The following SEC23B variants were observed in gnomAD, a reference collection of about 807,000 sequenced individuals.
The protein encoded by SEC23B is SEC23 homolog B, COPII component.
A neutral mutation model predicts 104.3 loss-of-function variants in SEC23B; 77 were observed. That is an observed-to-expected ratio of 0.74 (90% CI 0.61 to 0.89). SEC23B has a LOEUF of 0.89. SEC23B is among the 40% of genes least tolerant of loss of function. The pLI is 0.00. For synonymous variants in SEC23B, 338 were observed against 332.5 expected, an observed-to-expected ratio of 1.02 and a Z score of -0.18; for missense variants, 885 against 949.4, an observed-to-expected ratio of 0.93 and a Z score of 0.89.
At chr20:18,552,149 T>C (rs1040807263) in intron 17 of SEC23B, among the ~76,000 whole-genome samples, 1 of 151,594 alleles carries the variant, frequency 6.6e-6, no homozygotes, top group Admixed American at 6.6e-5. Context: ...CCTTCTTAAA[T>C]TGGTTATTGA....
intron 12 of SEC23B, among the ~76,000 whole-genome samples, chr20:18,540,973 T>C (rs1366230843): frequency 6.6e-6 from 1 of 152,260 alleles, no homozygotes; most frequent in Admixed American, 6.5e-5. Context: ...CTAGATAGCA[T>C]CTTCTTCCAA....
chr20:18,536,231 A>G (rs1402590515), intron 12 of SEC23B, among the ~76,000 whole-genome samples: 1 of 152,266 alleles, frequency 6.6e-6, no homozygotes. Flanking sequence ...AGCAAGTCAC[A>G]TGAATATTTT....
intron 12 of SEC23B, among the ~76,000 whole-genome samples, chr20:18,537,617 A>G (rs916310055): frequency 3.9e-5 from 6 of 152,212 alleles, no homozygotes; most frequent in Non-Finnish European, 7.3e-5. Context: ...GAATAACATT[A>G]GGAGATATAA....
intron 4 of SEC23B, among the ~76,000 whole-genome samples, chr20:18,521,798 A>G (rs773430472): frequency 1.3e-5 from 2 of 152,122 alleles, no homozygotes; most frequent in African/African-American, 2.4e-5. Context: ...GAAAGAAGAA[A>G]GATTTGGGAC....
intron 9 of SEC23B, 144 bp from the exon 10 acceptor site, chr20:18,530,536 G>A (rs977729466): frequency 3.3e-5 from 32 of 977,564 alleles, no homozygotes; most frequent in Non-Finnish European, 4.6e-5. Context: ...TGCCTGGCCT[G>A]TTTTTTTATA....
In SEC23B at chr20:18,548,740, C is replaced by G; in HGVS notation, c.1875C>G (p.Leu625=). ...TQSLIMIQPI[L]YSYSFHGPPE... is the part of the protein sequence containing the mutation. ...CCCTCATCATGATCCAGCCCATTCTCTACTCTTACTCCTTTCATGGGCCAC... is the reference window on the plus strand; with the variant it reads ...CCCTCATCATGATCCAGCCCATTCTGTACTCTTACTCCTTTCATGGGCCAC... The change falls in exon 16 of 20, where the codon CTC becomes CTG. Residue 625 remains leucine, a synonymous_variant. Coordinates refer to ENST00000650089, the MANE Select transcript of SEC23B (RefSeq NM_006363.6). 6.2e-7 allele frequency: 1 copy of G among 1,614,208 alleles called. No individual in the cohort carries two copies.
intron 1 of SEC23B, chr20:18,508,399 A>AT: frequency 6.6e-6 from 1 of 152,282 alleles, no homozygotes. Flanking sequence ...GGTGGTTCAG[A>AT]TTTTTTGGCA....
intron 3 of SEC23B, among the ~76,000 whole-genome samples, chr20:18,514,751 T>C (rs1415610328): frequency 1.3e-5 from 2 of 152,222 alleles, no homozygotes; most frequent in East Asian, 3.8e-4. Flanking sequence ...TTCTCAACTG[T>C]GCTTAAGTCT....
At chr20:18,529,679 T>C (rs2148902902) in intron 9 of SEC23B, among the ~76,000 whole-genome samples, 1 of 152,146 alleles carries the variant, frequency 6.6e-6, no homozygotes, top group East Asian at 1.9e-4. Flanking sequence ...AGGAACACAC[T>C]CCACATATAA....
chr20:18,542,950 T>G, intron 13 of SEC23B, 69 bp from the exon 14 acceptor site: 2 of 1,600,700 alleles, frequency 1.2e-6, no homozygotes, highest in South Asian at 1.1e-5. Context: ...GTGTTTCTTT[T>G]TCTGAATGGA....
intron 1 of SEC23B, among the ~76,000 whole-genome samples, chr20:18,508,742 T>TG (rs1444930956): frequency 9.3e-6 from 1 of 107,428 alleles, no homozygotes; most frequent in Non-Finnish European, 2.0e-5. Flanking sequence ...TTTTTTGAGA[T>TG]GGAGTCTCGC....
chr20:18,531,716 C>T (rs1358903429), intron 10 of SEC23B, among the ~76,000 whole-genome samples: 1 of 148,302 alleles, frequency 6.7e-6, no homozygotes, highest in Non-Finnish European at 1.5e-5. Context: ...GGACTCATGG[C>T]CCTGATACAG....
chr20:18,517,280 AGTTAC>A (rs1170443084), intron 4 of SEC23B, among the ~76,000 whole-genome samples: 1 of 152,142 alleles, frequency 6.6e-6, no homozygotes, highest in Non-Finnish European at 1.5e-5. Context: ...TAGGCAGTGG[AGTTAC>A]GAGCAATGTT....
At chr20:18,552,462 C>T (rs145591818) in intron 17 of SEC23B, among the ~76,000 whole-genome samples, 1 of 151,970 alleles carries the variant, frequency 6.6e-6, no homozygotes, top group Non-Finnish European at 1.5e-5. Context: ...TCTGCAGATT[C>T]AATCAACTGC....
At chr20:18,510,285 T>A (rs2059970161) in intron 1 of SEC23B, among the ~76,000 whole-genome samples, 1 of 152,172 alleles carries the variant, frequency 6.6e-6, no homozygotes. Flanking sequence ...CTACATGTAG[T>A]TTGGAGATGA....
chr20:18,507,628 C>G (rs1224815197), upstream of SEC23B: 1 of 152,404 alleles, frequency 6.6e-6, no homozygotes, highest in Non-Finnish European at 1.5e-5. Flanking sequence ...CATATTGTAT[C>G]AGGGCGAACC....
chr20:18,526,813 C>T (rs915165833), intron 8 of SEC23B, among the ~76,000 whole-genome samples: 17 of 152,336 alleles, frequency 1.1e-4, no homozygotes, highest in South Asian at 8.3e-4. Flanking sequence ...GTCCCGGTGG[C>T]TCACGGCTGT....
chr20:18,545,564 A>G (rs377725816), intron 14 of SEC23B, among the ~76,000 whole-genome samples: 338 of 152,332 alleles, frequency 2.2e-3, no homozygotes, highest in Non-Finnish European at 3.8e-3. Context: ...TGCCATTGGG[A>G]GAAATAAATT....
At chr20:18,559,760 C>T (rs2060475275) in intron 19 of SEC23B, among the ~76,000 whole-genome samples, 1 of 152,072 alleles carries the variant, frequency 6.6e-6, no homozygotes, top group Admixed American at 6.5e-5. Flanking sequence ...CATAAGAAAG[C>T]CCAAGGAACT....
Sources: allele counts gnomAD v4.1 joint callset (sites outside exome capture counted in the v4.1 genomes callset), GRCh38; gene constraint gnomAD v4.1.1; transcripts MANE v1.5; gene names NCBI Gene and HGNC (gene_info 2026-07-23, HGNC 2026-07-21).